The following COL6A1 variants were observed in gnomAD, a reference collection of about 807,000 sequenced individuals.
COL6A1 encodes collagen alpha-1(VI) chain.
Under a neutral mutation model 145.6 loss-of-function variants are expected in COL6A1, and 80 were observed. The observed-to-expected ratio is 0.55, with a 90% CI of 0.46 to 0.66. The LOEUF (loss-of-function observed/expected upper bound fraction) is 0.66. Ranked by LOEUF, COL6A1 falls within the 30% of genes least tolerant of loss-of-function variation. The pLI is 0.00. For missense variants in COL6A1, 1,364 were observed against 1,473.8 expected, an observed-to-expected ratio of 0.93 and a Z score of 1.22; for synonymous variants, 638 against 622.8, an observed-to-expected ratio of 1.02 and a Z score of -0.36.
chr21:46,001,775 G>C (rs1397462067), intron 30 of COL6A1, among the ~76,000 whole-genome samples, 186 bp from the exon 31 acceptor site: 1 of 151,592 alleles, frequency 6.6e-6, no homozygotes, highest in Admixed American at 6.6e-5. Context: ...GCCAATCGCA[G>C]GGTACCCAGG....
chr21:45,986,800 G>A, intron 4 of COL6A1, 115 bp downstream of exon 4: 8 of 1,513,638 alleles, frequency 5.3e-6, no homozygotes, highest in Non-Finnish European at 7.1e-6. Context: ...TCTCCAGCCG[G>A]CCACCCTTGC....
rs2077854188 is a variant in COL6A1 at position 46,002,683 on chromosome 21, A to C, written c.2407A>C (p.Lys803Gln). The change falls in exon 33 of 35, where the codon AAG becomes CAG. Residue 803 changes from lysine (K) to glutamine (Q), a missense_variant. This residue lies in a region of COL6A1 where 938 missense variants were observed against 1,003.8 expected (regional missense o/e 0.93). Coordinates refer to ENST00000361866, the MANE Select transcript of COL6A1 (RefSeq NM_001848.3). ...AGAGCTGCTGGAGGATGCCTTCCTG[A>C]AGAATGTCACCGCCCAGATCTGCAT... ...YAELLEDAFL[K>Q]NVTAQICIDK... 5 of 1,613,444 alleles carry C rather than the reference A, an allele frequency of 3.1e-6. No homozygotes were observed. Among genetic ancestry groups the C allele is most frequent in the Non-Finnish European group, 4.2e-6 (5 of 1,179,898 alleles).
rs760101861 is a variant in COL6A1, at chr21:45,981,896, T to C, written c.46T>C (p.Trp16Arg). ...GCTGCCCCTGCTGCTGCAGGCCTGC[T>C]GGACAGCCGCGCAGGATGAGCCGGA... ...ALLPLLLQAC[W>R]TAAQDEPETP... The change falls in exon 1 of 35, where the codon TGG becomes CGG. Residue 16 changes from tryptophan to arginine, a missense_variant. This residue lies in a region of COL6A1 where 414 missense variants were observed against 437.6 expected (regional missense o/e 0.95). Transcript: ENST00000361866. 1 of 1,605,524 alleles carries C rather than the reference T, an allele frequency of 6.2e-7. No individual in the cohort carries two copies. Among genetic ancestry groups the C allele is most frequent in the Non-Finnish European group, 8.5e-7 (1 of 1,177,544 alleles).
At chr21:45,997,610 T>C in intron 21 of COL6A1, 90 bp from the exon 22 acceptor site, 9 of 1,542,200 alleles carry the variant, frequency 5.8e-6, no homozygotes, top group Non-Finnish European at 8.0e-6. Context: ...TGGCTCCCGA[T>C]GGGACCTCTC....
rs1401904813 is a variant in COL6A1, at chr21:46,001,237, C to T, written c.1823-16C>T. On this transcript the variant is annotated splice_polypyrimidine_tract_variant and intron_variant, in intron 29 of 34. Coordinates refer to ENST00000361866, the MANE Select transcript of COL6A1 (RefSeq NM_001848.3). ...AGGGGAGGGGCGTGCTCTGCTGACA[C>T]CGCCCCCGCCTGCAGAATGCAAGTG... The T allele has an allele frequency of 6.3e-7, 1 of 1,599,920 alleles. No individual in the cohort carries two copies. The highest frequency in any genetic ancestry group is 2.2e-5 in the East Asian group (1 of 44,764).
intron 22 of COL6A1, 94 bp from the exon 23 acceptor site, chr21:45,998,027 G>T: frequency 6.7e-7 from 1 of 1,483,692 alleles, no homozygotes. Flanking sequence ...CTGACGGAGG[G>T]GCCCTGCGGG....
At chr21:45,989,905 C>T (rs1451485757) in intron 11 of COL6A1, 127 bp downstream of exon 11, 77 of 1,233,576 alleles carry the variant, frequency 6.2e-5, no homozygotes, top group South Asian at 9.9e-5. Flanking sequence ...CCCGCTCCAC[C>T]GCCCCTCGCC....
chr21:45,989,597 C>G lies in COL6A1; in HGVS notation c.859-11C>G. On this transcript the variant is annotated splice_polypyrimidine_tract_variant and intron_variant, in intron 9 of 34. Coordinates refer to ENST00000361866, the MANE Select transcript of COL6A1 (RefSeq NM_001848.3). Reference sequence around the variant, plus strand: ...TCCGGGGGTGTCTCACCATCTCCTCCTGTGTTCCAGGGAAGACCCGGGGAC... The same window carrying G: ...TCCGGGGGTGTCTCACCATCTCCTCGTGTGTTCCAGGGAAGACCCGGGGAC... 1 of 1,612,754 alleles carries G rather than the reference C, an allele frequency of 6.2e-7. No individual in the cohort carries two copies.
Position 45,987,301 on chromosome 21 carries a change from G to A in COL6A1, c.738+126G>A, listed in dbSNP as rs192616290. 2,952 of 1,511,556 alleles carry A rather than the reference G, an allele frequency of 2.0e-3. 28 individuals are homozygous for A. The highest frequency in any genetic ancestry group is 0.015 in the Middle Eastern group (88 of 5,742). The allele number at this position is 1,511,556 out of a possible 1,614,324, so 93.6% of individuals were successfully genotyped here. On this transcript the variant is annotated intron_variant, in intron 6 of 34. Transcript: ENST00000361866. The stretch of plus-strand genomic sequence containing the variant: ...TGTGCCCGGGACACATGTCCCCTGC[G>A]TGTCTGCCCGTGTGCCCGGGATGTG...
intron 13 of COL6A1, among the ~76,000 whole-genome samples, 159 bp downstream of exon 13, chr21:45,990,581 G>T (rs541226765): frequency 2.0e-5 from 3 of 150,754 alleles, no homozygotes; most frequent in Non-Finnish European, 2.9e-5. Context: ...GAGGGATGGG[G>T]TGAGGTGATC....
Position 45,998,142 on chromosome 21 carries a change from A to G in COL6A1, c.1546A>G (p.Asn516Asp). 1.2e-6 allele frequency: 2 copies of G among 1,612,460 alleles called. No homozygotes were observed. Among genetic ancestry groups the G allele is most frequent in the South Asian group, 2.2e-5 (2 of 91,030 alleles). The change falls in exon 23 of 35, where the codon AAT (asparagine) becomes GAT (aspartate). Residue 516 changes from asparagine (N) to aspartate (D), a missense_variant. Around this residue, in one of 3 missense-constraint regions of COL6A1, gnomAD observed 938 missense variants for 1,003.8 expected, o/e 0.93. Transcript: ENST00000361866. ...CCAGGGAGAAGACGGCCCCGCTGGAAATGGCACCGAGGGCTTCCCCGGCTT... is the reference window on the plus strand; with the variant it reads ...CCAGGGAGAAGACGGCCCCGCTGGAGATGGCACCGAGGGCTTCCCCGGCTT... ...GERGEDGPAG[N>D]GTEGFPGFPG...
In COL6A1 at chr21:45,981,877, C is replaced by G. The variant is rs747094652; in HGVS notation, c.27C>G (p.Pro9=). The change falls in exon 1 of 35, where the codon CCC becomes CCG. Residue 9 remains proline (P), a synonymous_variant. Transcript: ENST00000361866. MRAARALL[P]LLLQACWTAA... is the part of the protein sequence containing the mutation. ...TGAGGGCGGCCCGTGCTCTGCTGCC[C>G]CTGCTGCTGCAGGCCTGCTGGACAG... 4.4e-6 allele frequency: 7 copies of G among 1,599,446 alleles called. No homozygotes were observed. In the Admixed American group the frequency reaches 6.8e-5, roughly 16 times the overall value.
At position 45,989,552 on chromosome 21, in the gene COL6A1, C is replaced by T. The variant is rs2077761448; in HGVS notation, c.859-56C>T. 3 of 1,564,724 alleles carry T rather than the reference C, an allele frequency of 1.9e-6. No individual in the cohort carries two copies. The East Asian group carries it at 6.7e-5, about 35-fold the overall frequency. ...GGGAGGGGTGTGGGGCTGGGTGGGA[C>T]TGGCCCCTGCCCCTGCTCCTCCGGG... On this transcript the variant is annotated intron_variant, in intron 9 of 34. Coordinates refer to ENST00000361866, the MANE Select transcript of COL6A1 (RefSeq NM_001848.3).
chr21:45,982,070 C>T lies in COL6A1; in HGVS notation c.97+123C>T, dbSNP rs2077710344. 3.6e-6 allele frequency: 3 copies of T among 824,566 alleles called. No homozygotes were observed. In the South Asian group the frequency reaches 4.7e-5, roughly 13 times the overall value. 51.1% of individuals were successfully genotyped at this position (824,566 alleles called of 1,614,324 possible). A position where few individuals can be genotyped will look rare whatever the true frequency, so the allele number is the denominator to read the frequency against. On this transcript the variant is annotated intron_variant, in intron 1 of 34. Transcript: ENST00000361866. ...ACTGGGGGCCTGGAGCCCCTGAACC[C>T]CACTCCCCGCTCGGGGCGGCTGCAG...
At chr21:45,985,716 C>T (rs1195553626) in intron 3 of COL6A1, among the ~76,000 whole-genome samples, 2 of 152,168 alleles carry the variant, frequency 1.3e-5, no homozygotes, top group Admixed American at 6.5e-5. Flanking sequence ...TCCAGCCAGG[C>T]GGTGCGGGGG....
Position 46,002,935 on chromosome 21 carries a change from C to T in COL6A1, c.2435-185C>T, listed in dbSNP as rs536282891. Among the ~76,000 whole-genome samples, 4 of 149,920 alleles carry T rather than the reference C, an allele frequency of 2.7e-5. No individual in the cohort carries two copies. The South Asian group carries it at 8.5e-4, about 32-fold the overall frequency. On this transcript the variant is annotated intron_variant, in intron 33 of 34. Transcript: ENST00000361866. ...CCCAGCTCACTGTTACCTCCAGGGGCACGGCCACCCTGTAGGTGCGCACGG... is the reference window on the plus strand; with the variant it reads ...CCCAGCTCACTGTTACCTCCAGGGGTACGGCCACCCTGTAGGTGCGCACGG...
At chr21:45,993,396 C>A (rs1260105144) in intron 19 of COL6A1, among the ~76,000 whole-genome samples, 2 of 152,196 alleles carry the variant, frequency 1.3e-5, no homozygotes, top group African/African-American at 4.8e-5. Context: ...AGACTCCGGG[C>A]GTCTCAGTCC....
In COL6A1 at chr21:46,002,023, C is replaced by T. The variant is rs141424786; in HGVS notation, c.2019C>T (p.His673=). The change falls in exon 31 of 35, where the codon CAC becomes CAT. Residue 673 remains histidine, a synonymous_variant. Transcript: ENST00000361866. ...VQYSHSQMQE[H]VSLRSPSIRN... is the part of the protein sequence containing the mutation. The stretch of plus-strand genomic sequence containing the variant: ...ACAGCCACAGCCAGATGCAGGAGCA[C>T]GTGAGCCTGCGCAGCCCCAGCATCC... The T allele has an allele frequency of 1.6e-5, 26 of 1,612,484 alleles. No individual in the cohort carries two copies. The Admixed American group carries it at 1.7e-4, about 10-fold the overall frequency.
chr21:45,998,747 G>C (rs926619557), intron 24 of COL6A1, 150 bp from the exon 25 acceptor site: 96 of 1,072,702 alleles, frequency 8.9e-5, no homozygotes, highest in Non-Finnish European at 8.4e-5. Flanking sequence ...GCCACTCCGG[G>C]ACCCAGTTTC....
Sources: allele counts gnomAD v4.1 joint callset (sites outside exome capture counted in the v4.1 genomes callset), GRCh38; gene constraint gnomAD v4.1.1; regional missense constraint gnomAD v4.1.1; transcripts MANE v1.5; gene names NCBI Gene and HGNC (gene_info 2026-07-23, HGNC 2026-07-21).